RYR3: variants seen among roughly 807,000 people sequenced by gnomAD.
RYR3 encodes the protein ryanodine receptor 3, also known as brain ryanodine receptor-calcium release channel.
A neutral mutation model predicts 584.3 loss-of-function variants in RYR3; 207 were observed. The ratio of observed to expected loss-of-function variants is 0.35; its 90% CI spans 0.32 to 0.40. The LOEUF (loss-of-function observed/expected upper bound fraction) is 0.40. Ranked by LOEUF, RYR3 falls within the 10% of genes least tolerant of loss-of-function variation. The probability of loss-of-function intolerance (pLI) is 1.00; values close to 1 mark genes in which losing one functional copy is unlikely to be tolerated. For missense variants in RYR3, 5,616 were observed against 6,089.2 expected, an observed-to-expected ratio of 0.92 and a Z score of 2.59; for synonymous variants, 2,416 against 2,248.5, an observed-to-expected ratio of 1.07 and a Z score of -2.11.
At chr15:33,573,695 A>G (rs955421096) in intron 12 of RYR3, among the ~76,000 whole-genome samples, 4 of 152,210 alleles carry the variant, frequency 2.6e-5, no homozygotes, top group Non-Finnish European at 4.4e-5. Flanking sequence ...AGGCCTAAGA[A>G]TATAGTGGGA....
At chr15:33,822,077 A>G (rs1226238525) in intron 80 of RYR3, among the ~76,000 whole-genome samples, 1 of 151,306 alleles carries the variant, frequency 6.6e-6, no homozygotes, top group East Asian at 1.9e-4. Context: ...GCTCTGCTGC[A>G]AGGGCTGAGG....
rs543554944 is a variant in RYR3, at chr15:33,575,936, T to C, written c.1269-4040T>C. Among the ~76,000 whole-genome samples, 4 of 152,218 alleles carry C rather than the reference T, an allele frequency of 2.6e-5. No individual in the cohort carries two copies. In the South Asian group the frequency reaches 8.3e-4, roughly 32 times the overall value. On this transcript the variant is annotated intron_variant, in intron 12 of 103. Transcript: ENST00000634891. ...AAAATGATAAAGGGGATATTAGCAT[T>C]GACCCCACAGAAATTCAAACAACCA...
rs2052208997 is a variant in RYR3, at chr15:33,503,716, C to G, written c.257C>G (p.Thr86Arg). 6.2e-7 allele frequency: 1 copy of G among 1,612,070 alleles called. No homozygotes were observed. Among genetic ancestry groups the G allele is most frequent in the Admixed American group, 1.7e-5 (1 of 59,856 alleles). The change falls in exon 3 of 104, where the codon ACA becomes AGA. Residue 86 changes from threonine (T) to arginine (R), a missense_variant. Coordinates refer to ENST00000634891, the MANE Select transcript of RYR3 (RefSeq NM_001036.6). ...VRALQEMLAN[T>R]GENGGEGAAQ... ...GCCCTGCAGGAAATGCTTGCCAACA[C>G]AGGTGAAAATGGCGGCGAAGGGGTG... is the stretch of plus-strand genomic sequence containing the variant.
chr15:33,517,806 C>T (rs547751398), intron 3 of RYR3, among the ~76,000 whole-genome samples: 2 of 152,214 alleles, frequency 1.3e-5, no homozygotes, highest in African/African-American at 2.4e-5. Context: ...TGACCCATCA[C>T]AGGCCAAGTC....
chr15:33,681,585 A>C (rs983691668), intron 38 of RYR3, among the ~76,000 whole-genome samples: 1 of 152,246 alleles, frequency 6.6e-6, no homozygotes, highest in Non-Finnish European at 1.5e-5. Context: ...CTTGTTCTTT[A>C]CACTTCAAAA....
chr15:33,789,986 C>CTTTTTTTTTTTTTT lies in RYR3; in HGVS notation c.9830+1538_9830+1551dup. 1.1e-3 allele frequency among the ~76,000 whole-genome samples: 58 copies of CTTTTTTTTTTTTTT among 53,256 alleles called. 17 individuals carry two copies. The highest frequency in any genetic ancestry group is 5.1e-3 in the African/African-American group (48 of 9,428). 34.9% of individuals were successfully genotyped at this position (53,256 alleles called of 152,430 possible). A position where few individuals can be genotyped will look rare whatever the true frequency, so the allele number is the denominator to read the frequency against. Reference sequence around the variant, plus strand: ...GGCGTGAGCCACCACGCCTGGCCTTCTTTTTTTTTTTTTTTTTTTTTTTGA... The same window carrying CTTTTTTTTTTTTTT: ...GGCGTGAGCCACCACGCCTGGCCTTCTTTTTTTTTTTTTTTTTTTTTTTTTTTTTTTTTTTTTGA... On this transcript the variant is annotated intron_variant, in intron 67 of 103. Coordinates refer to ENST00000634891, the MANE Select transcript of RYR3 (RefSeq NM_001036.6).
chr15:33,670,632 G>A (rs1459677297), intron 38 of RYR3, 76 bp downstream of exon 38: 1 of 1,405,510 alleles, frequency 7.1e-7, no homozygotes, highest in East Asian at 2.4e-5. Flanking sequence ...AACAAATACT[G>A]TAAGATAGAT....
intron 64 of RYR3, among the ~76,000 whole-genome samples, chr15:33,774,207 C>A (rs2152892116): frequency 6.6e-6 from 1 of 152,344 alleles, no homozygotes; most frequent in South Asian, 2.1e-4. Context: ...TCGGTGACCC[C>A]TTGCTTTTCA....
chr15:33,631,190 C>T lies in RYR3; in HGVS notation c.2784-20C>T. ...TAACACTGCAGTTAACCTTAGTCTT[C>T]TCCTTCTGTTGTGTCACAGAACCCT... On this transcript the variant is annotated intron_variant, in intron 22 of 103. Coordinates refer to ENST00000634891, the MANE Select transcript of RYR3 (RefSeq NM_001036.6). The T allele has an allele frequency of 6.7e-7, 1 of 1,502,484 alleles. No individual in the cohort carries two copies. Among genetic ancestry groups the T allele is most frequent in the South Asian group, 1.2e-5 (1 of 82,484 alleles). 93.1% of individuals were successfully genotyped at this position (1,502,484 alleles called of 1,614,324 possible).
intron 67 of RYR3, among the ~76,000 whole-genome samples, chr15:33,795,102 A>G (rs114040069): frequency 0.015 from 2,271 of 152,286 alleles, 60 homozygotes; most frequent in African/African-American, 0.053. Flanking sequence ...CTCTTTAAAT[A>G]TGTAACAGAG....
intron 65 of RYR3, 134 bp from the exon 66 acceptor site, chr15:33,785,528 C>A: frequency 1.4e-6 from 1 of 704,274 alleles, no homozygotes; most frequent in South Asian, 2.1e-5. Context: ...AAAAGCCACT[C>A]CACATCCAAG....
At chr15:33,559,494 C>G (rs773538329) in intron 10 of RYR3, among the ~76,000 whole-genome samples, 1 of 152,184 alleles carries the variant, frequency 6.6e-6, no homozygotes, top group Admixed American at 6.5e-5. Flanking sequence ...AGCAAGGTGA[C>G]AGCCTACACT....
At chr15:33,829,738 C>T (rs1415069919) in intron 85 of RYR3, among the ~76,000 whole-genome samples, 3 of 134,588 alleles carry the variant, frequency 2.2e-5, no homozygotes, top group Non-Finnish European at 4.7e-5. Context: ...GGCAACAGAG[C>T]GAGACTCTGT....
chr15:33,743,735 G>A (rs2070404735), intron 52 of RYR3, among the ~76,000 whole-genome samples: 1 of 152,212 alleles, frequency 6.6e-6, no homozygotes, highest in African/African-American at 2.4e-5. Flanking sequence ...TTCAGTCCAA[G>A]CTGCCATCGT....
intron 5 of RYR3, among the ~76,000 whole-genome samples, chr15:33,535,720 A>G (rs531912200): frequency 1.3e-5 from 2 of 152,230 alleles, no homozygotes; most frequent in East Asian, 1.9e-4. Flanking sequence ...AATTATTTTA[A>G]TTGTTAGAGC....
At chr15:33,693,443 T>A (rs1367423888) in intron 38 of RYR3, among the ~76,000 whole-genome samples, 1 of 152,266 alleles carries the variant, frequency 6.6e-6, no homozygotes, top group Non-Finnish European at 1.5e-5. Flanking sequence ...CTACAGCGGC[T>A]GTGCACTGCA....
At chr15:33,657,225 AC>A (rs1478299044) in intron 32 of RYR3, among the ~76,000 whole-genome samples, 1 of 152,206 alleles carries the variant, frequency 6.6e-6, no homozygotes, top group Admixed American at 6.5e-5. Context: ...CAAAGCACTT[AC>A]TTTCTGCAGG....
intron 99 of RYR3, 27 bp downstream of exon 99, chr15:33,857,941 G>T: frequency 6.9e-7 from 1 of 1,439,880 alleles, no homozygotes; most frequent in Non-Finnish European, 9.4e-7. Context: ...TGCGGGGCCA[G>T]CCCACCCACT....
chr15:33,335,865 C>T (rs1024910744), intron 1 of RYR3, among the ~76,000 whole-genome samples: 1 of 151,586 alleles, frequency 6.6e-6, no homozygotes, highest in Non-Finnish European at 1.5e-5. Flanking sequence ...AAGGCTGGTA[C>T]TAGAAGAAGA....
Sources: allele counts gnomAD v4.1 joint callset (sites outside exome capture counted in the v4.1 genomes callset), GRCh38; gene constraint gnomAD v4.1.1; transcripts MANE v1.5; gene names NCBI Gene and HGNC (gene_info 2026-07-23, HGNC 2026-07-21).